The following MAGI2 variants were observed in gnomAD, a reference collection of about 807,000 sequenced individuals.
The protein encoded by MAGI2 is membrane associated guanylate kinase, WW and PDZ domain containing 2, also known as membrane-associated guanylate kinase, WW and PDZ domain-containing protein 2.
Under a neutral mutation model 133.3 loss-of-function variants are expected in MAGI2, and 35 were observed. That is an observed-to-expected ratio of 0.26 (90% CI 0.20 to 0.35). MAGI2 has a LOEUF of 0.35. Among genes scored for constraint, MAGI2 ranks in the 10% least tolerant of loss-of-function variants. The probability of loss-of-function intolerance (pLI) is 1.00; values close to 1 mark genes in which losing one functional copy is unlikely to be tolerated. For synonymous variants in MAGI2, 729 were observed against 710.6 expected (o/e 1.03, Z -0.41); for missense variants, 1,636 against 1,863.4 (o/e 0.88, Z 2.25).
intron 3 of MAGI2, among the ~76,000 whole-genome samples, chr7:78,546,204 T>C (rs550555700): frequency 6.6e-6 from 1 of 152,214 alleles, no homozygotes; most frequent in Non-Finnish European, 1.5e-5. Context: ...CTTGAACATT[T>C]AATGAGATAA....
intron 1 of MAGI2, among the ~76,000 whole-genome samples, chr7:79,318,135 C>G (rs1226077525): frequency 6.6e-6 from 1 of 152,122 alleles, no homozygotes; most frequent in Non-Finnish European, 1.5e-5. Flanking sequence ...CACCTATCAT[C>G]TATACACTGA....
At chr7:79,108,059 A>G (rs1322901330) in intron 1 of MAGI2, among the ~76,000 whole-genome samples, 1 of 152,212 alleles carries the variant, frequency 6.6e-6, no homozygotes. Flanking sequence ...TTTCAAAGAA[A>G]TAGAGCAATT....
chr7:78,029,409 C>G (rs1040307114), intron 21 of MAGI2, among the ~76,000 whole-genome samples: 2 of 152,166 alleles, frequency 1.3e-5, no homozygotes, highest in African/African-American at 2.4e-5. Context: ...ACCTTCTTCC[C>G]CTCAAATATT....
chr7:79,208,300 T>C (rs1283880555), intron 1 of MAGI2, among the ~76,000 whole-genome samples: 1 of 151,750 alleles, frequency 6.6e-6, no homozygotes, highest in Non-Finnish European at 1.5e-5. Flanking sequence ...AAGGGTTTAA[T>C]AACCAAAATA....
chr7:78,453,713 C>A (rs552936006), intron 6 of MAGI2, among the ~76,000 whole-genome samples: 2 of 152,132 alleles, frequency 1.3e-5, no homozygotes, highest in African/African-American at 4.8e-5. Flanking sequence ...TAGACATTAT[C>A]CCAGATAATT....
At chr7:78,623,809 A>T (rs1808009477) in intron 3 of MAGI2, among the ~76,000 whole-genome samples, 1 of 152,158 alleles carries the variant, frequency 6.6e-6, no homozygotes, top group African/African-American at 2.4e-5. Context: ...TCACTGACAG[A>T]CCACATATAT....
intron 6 of MAGI2, among the ~76,000 whole-genome samples, chr7:78,397,395 A>ACACC (rs888048945): frequency 4.0e-5 from 6 of 150,088 alleles, no homozygotes; most frequent in African/African-American, 1.5e-4. Flanking sequence ...ACACACACAC[A>ACACC]CACCCCTTGT....
intron 2 of MAGI2, among the ~76,000 whole-genome samples, chr7:78,959,478 G>A (rs1802668094): frequency 6.6e-6 from 1 of 151,936 alleles, no homozygotes. Flanking sequence ...GCTTCAATGG[G>A]CCATTATCAT....
At chr7:79,126,464 C>A (rs1820414292) in intron 1 of MAGI2, among the ~76,000 whole-genome samples, 1 of 151,772 alleles carries the variant, frequency 6.6e-6, no homozygotes, top group Admixed American at 6.6e-5. Context: ...CTAATGGAGG[C>A]AATGTGATGG....
intron 2 of MAGI2, among the ~76,000 whole-genome samples, chr7:78,886,268 G>T (rs1796257436): frequency 6.6e-6 from 1 of 152,168 alleles, no homozygotes; most frequent in South Asian, 2.1e-4. Flanking sequence ...ACTGTTAATG[G>T]AAATCCAGAG....
intron 2 of MAGI2, among the ~76,000 whole-genome samples, chr7:78,786,380 G>A (rs946090144): frequency 1.3e-5 from 2 of 152,122 alleles, no homozygotes; most frequent in Non-Finnish European, 2.9e-5. Flanking sequence ...TAAAACCTAA[G>A]TCCAATCCTA....
intron 2 of MAGI2, among the ~76,000 whole-genome samples, chr7:78,960,992 A>G (rs1329670822): frequency 6.6e-6 from 1 of 152,136 alleles, no homozygotes; most frequent in Non-Finnish European, 1.5e-5. Flanking sequence ...GGGATAAAAT[A>G]CCAGTTCTGA....
chr7:79,224,097 A>G (rs962411416), intron 1 of MAGI2, among the ~76,000 whole-genome samples: 1 of 152,010 alleles, frequency 6.6e-6, no homozygotes, highest in African/African-American at 2.4e-5. Context: ...CTTGTTTTCA[A>G]ACAGGAAACT....
At chr7:78,497,456 G>C (rs960687169) in intron 5 of MAGI2, among the ~76,000 whole-genome samples, 2 of 152,066 alleles carry the variant, frequency 1.3e-5, no homozygotes, top group Non-Finnish European at 2.9e-5. Flanking sequence ...GGGTTGCTGA[G>C]GGCAGAAAAA....
rs368329978 is a variant in MAGI2, at chr7:78,521,620, C to A, written c.564G>T (p.Pro188=). Residue 188 remains proline, a synonymous_variant, in exon 4 of 22, where the codon CCG becomes CCT. Transcript: ENST00000354212. Reference sequence around the variant, plus strand: ...ACAATAATGGTGCTGGTTCTGCTGGCGGCTTTGGGGTACCGTAGTAATTGT... The same window carrying A: ...ACAATAATGGTGCTGGTTCTGCTGGAGGCTTTGGGGTACCGTAGTAATTGT... ...YEDNYYGTPK[P]PAEPAPLLLN... 6 of 1,613,948 alleles carry A rather than the reference C, an allele frequency of 3.7e-6. No individual in the cohort carries two copies. Among genetic ancestry groups the A allele is most frequent in the Middle Eastern group, 1.6e-4 (1 of 6,084 alleles).
chr7:79,312,345 A>G lies in MAGI2; in HGVS notation c.301+140675T>C, dbSNP rs1004864251. On this transcript the variant is annotated intron_variant, in intron 1 of 21. Transcript: ENST00000354212. ...CTTCGTCTCAGTAGGCGCCAACAAC[A>G]CTGGCCTCCATGCTATTCCAGAACT... Among the ~76,000 whole-genome samples the G allele has an allele frequency of 3.3e-5, 5 of 152,170 alleles. No homozygotes were observed. In the East Asian group the frequency reaches 9.7e-4, roughly 29 times the overall value.
chr7:79,376,147 T>C (rs1054084972), intron 1 of MAGI2, among the ~76,000 whole-genome samples: 1 of 151,888 alleles, frequency 6.6e-6, no homozygotes, highest in Non-Finnish European at 1.5e-5. Flanking sequence ...CCCCTTATCA[T>C]TGGGACATAT....
intron 2 of MAGI2, chr7:78,940,568 A>G (rs746177710): frequency 1.3e-5 from 2 of 152,202 alleles, no homozygotes; most frequent in Non-Finnish European, 2.9e-5. Context: ...CAAGCCCCCA[A>G]CTGCAGGGCT....
At chr7:78,313,769 G>GA (rs1182639792) in intron 9 of MAGI2, among the ~76,000 whole-genome samples, 1 of 151,588 alleles carries the variant, frequency 6.6e-6, no homozygotes, top group African/African-American at 2.4e-5. Context: ...TTCAGAGACG[G>GA]AAAAAAAATC....
Sources: allele counts gnomAD v4.1 joint callset (sites outside exome capture counted in the v4.1 genomes callset), GRCh38; gene constraint gnomAD v4.1.1; transcripts MANE v1.5; gene names NCBI Gene and HGNC (gene_info 2026-07-23, HGNC 2026-07-21).